Variants in DACH1 observed in about 807,000 individuals in gnomAD.
DACH1 encodes the protein dachshund family transcription factor 1, also known as dachshund homolog 1.
Under a neutral mutation model 54.2 loss-of-function variants are expected in DACH1, and 12 were observed. That is an observed-to-expected ratio of 0.22 (90% CI 0.14 to 0.36). The LOEUF is 0.36. Among genes scored for constraint, DACH1 ranks in the 10% least tolerant of loss-of-function variants. The probability of loss-of-function intolerance (pLI) is 1.00; values close to 1 mark genes in which losing one functional copy is unlikely to be tolerated. For missense variants in DACH1, 805 were observed against 929.8 expected, an observed-to-expected ratio of 0.87 and a Z score of 1.75; for synonymous variants, 386 against 366.2, an observed-to-expected ratio of 1.05 and a Z score of -0.62.
intron 1 of DACH1, among the ~76,000 whole-genome samples, chr13:71,800,666 C>T (rs1044428231): frequency 6.6e-6 from 1 of 152,044 alleles, no homozygotes; most frequent in East Asian, 1.9e-4. Context: ...TTCAAATCCT[C>T]ATTTAGCTGA....
intron 1 of DACH1, among the ~76,000 whole-genome samples, chr13:71,709,415 T>A (rs993861249): frequency 3.9e-5 from 6 of 152,088 alleles, no homozygotes; most frequent in Admixed American, 1.3e-4. Flanking sequence ...CTGAATACTG[T>A]GATAAAATCT....
chr13:71,486,026 T>G (rs1378554415), intron 7 of DACH1, among the ~76,000 whole-genome samples: 1 of 151,900 alleles, frequency 6.6e-6, no homozygotes, highest in Non-Finnish European at 1.5e-5. Flanking sequence ...TTTTCACATA[T>G]AATTATAGTA....
intron 7 of DACH1, among the ~76,000 whole-genome samples, chr13:71,483,348 T>C (rs1878213452): frequency 6.8e-6 from 1 of 147,406 alleles, no homozygotes; most frequent in Non-Finnish European, 1.5e-5. Flanking sequence ...TAATTAATAT[T>C]ATATATAATT....
intron 1 of DACH1, among the ~76,000 whole-genome samples, chr13:71,776,386 C>T (rs1886066776): frequency 6.6e-6 from 1 of 151,588 alleles, no homozygotes; most frequent in Admixed American, 6.6e-5. Flanking sequence ...CATGTAACAC[C>T]TATGTATAAT....
chr13:71,491,990 T>A lies in DACH1; in HGVS notation c.1571-2842A>T, dbSNP rs190496340. 3.7e-4 allele frequency among the ~76,000 whole-genome samples: 57 copies of A among 152,314 alleles called. 1 individual carries two copies. The East Asian group carries it at 0.011, about 28-fold the overall frequency. The stretch of plus-strand genomic sequence containing the variant: ...AAAATACCTTATTCTCATTGATATA[T>A]CTGTACATATTTCTAAGCTTATCTT... On this transcript the variant is annotated intron_variant, in intron 6 of 10. Coordinates refer to ENST00000613252, the MANE Select transcript of DACH1 (RefSeq NM_080759.6).
At chr13:71,846,648 T>C (rs1472604820) in intron 1 of DACH1, among the ~76,000 whole-genome samples, 1 of 152,152 alleles carries the variant, frequency 6.6e-6, no homozygotes, top group Non-Finnish European at 1.5e-5. Flanking sequence ...GGTAGATAGA[T>C]AGATAGTCTT....
At chr13:71,521,869 A>G (rs1881626023) in intron 6 of DACH1, among the ~76,000 whole-genome samples, 1 of 152,124 alleles carries the variant, frequency 6.6e-6, no homozygotes, top group Admixed American at 6.6e-5. Context: ...TACTAATAAT[A>G]ATGAAAACTA....
At position 71,630,638 on chromosome 13, in the gene DACH1, T is replaced by C. The variant is rs752110515; in HGVS notation, c.1044A>G (p.Lys348=). The change falls in exon 3 of 11, where the codon AAA becomes AAG. Residue 348 remains lysine, a synonymous_variant. Coordinates refer to ENST00000613252, the MANE Select transcript of DACH1 (RefSeq NM_080759.6). ...CATGATAGTTGCTCATGGCTTCTAA[T>C]TTGATTTTTTTCACCTTCATTGCTT... The part of the protein sequence containing the change: ...IAEAMKVKKI[K]LEAMSNYHAS... 91 of 1,612,320 alleles carry C rather than the reference T, an allele frequency of 5.6e-5. 1 individual carries two copies. The highest frequency in any genetic ancestry group is 7.5e-5 in the Non-Finnish European group (89 of 1,179,458).
chr13:71,772,055 T>C (rs961234119), intron 1 of DACH1, among the ~76,000 whole-genome samples: 2 of 151,650 alleles, frequency 1.3e-5, no homozygotes, highest in Non-Finnish European at 3.0e-5. Flanking sequence ...TTTTCTGAAC[T>C]GTACATGTAT....
intron 1 of DACH1, among the ~76,000 whole-genome samples, chr13:71,816,968 G>T (rs2138170085): frequency 6.6e-6 from 1 of 152,160 alleles, no homozygotes; most frequent in African/African-American, 2.4e-5. Context: ...TACTAGGCTT[G>T]ATGACTGGGT....
intron 1 of DACH1, among the ~76,000 whole-genome samples, chr13:71,846,580 A>C (rs919771169): frequency 3.3e-5 from 5 of 152,236 alleles, no homozygotes; most frequent in Non-Finnish European, 7.3e-5. Context: ...CAGTGAGCCG[A>C]GATGGCGCCA....
chr13:71,558,081 T>C (rs1208715123), intron 5 of DACH1, among the ~76,000 whole-genome samples: 1 of 152,046 alleles, frequency 6.6e-6, no homozygotes, highest in Admixed American at 6.6e-5. Context: ...CTGATTTTGA[T>C]CATTTTTCTC....
At chr13:71,536,586 A>G (rs753459516) in intron 6 of DACH1, among the ~76,000 whole-genome samples, 3 of 152,142 alleles carry the variant, frequency 2.0e-5, no homozygotes, top group Non-Finnish European at 2.9e-5. Context: ...TTCTACATTT[A>G]TGGAAATTAT....
intron 6 of DACH1, among the ~76,000 whole-genome samples, chr13:71,535,215 G>A (rs993715125): frequency 2.0e-5 from 3 of 151,620 alleles, no homozygotes; most frequent in Non-Finnish European, 4.4e-5. Context: ...TACTGATTAA[G>A]GTTTGGTATT....
chr13:71,474,179 A>C (rs757650689), intron 10 of DACH1, among the ~76,000 whole-genome samples: 59 of 152,190 alleles, frequency 3.9e-4, no homozygotes, highest in Non-Finnish European at 8.2e-4. Context: ...CTTTCCTCAA[A>C]AATGTTTCTT....
intron 1 of DACH1, among the ~76,000 whole-genome samples, chr13:71,747,566 G>A (rs1321503522): frequency 1.3e-5 from 2 of 152,118 alleles, no homozygotes; most frequent in East Asian, 3.8e-4. Context: ...GGGTGACAGA[G>A]TGAGACTCCA....
At chr13:71,784,067 TAGAG>T (rs943282068) in intron 1 of DACH1, among the ~76,000 whole-genome samples, 2 of 150,144 alleles carry the variant, frequency 1.3e-5, no homozygotes, top group Admixed American at 6.6e-5. Flanking sequence ...CTTTATGAAA[TAGAG>T]AGAGTACAGT....
At chr13:71,733,197 T>C (rs1162017037) in intron 1 of DACH1, among the ~76,000 whole-genome samples, 1 of 152,258 alleles carries the variant, frequency 6.6e-6, no homozygotes, top group Non-Finnish European at 1.5e-5. Flanking sequence ...AGTCTCATTC[T>C]GACACCAAGA....
rs2138723303 is a variant in DACH1, at chr13:71,691,165, T to C, written c.849-9255A>G. ...AATGGTCGACCATCATTCTGTTTCT[T>C]CAGGTTATTGTTAATTTGGTCCCAA... On this transcript the variant is annotated intron_variant, in intron 1 of 10. Coordinates refer to ENST00000613252, the MANE Select transcript of DACH1 (RefSeq NM_080759.6). Among the ~76,000 whole-genome samples the C allele has an allele frequency of 2.0e-5, 3 of 152,312 alleles. 1 individual carries two copies. In the South Asian group the frequency reaches 6.2e-4, roughly 32 times the overall value.
Sources: gnomAD v4.1 joint callset for allele counts (sites outside exome capture counted in the v4.1 genomes callset) on GRCh38, gnomAD v4.1.1 for gene constraint, MANE v1.5 for transcripts, NCBI Gene and HGNC (gene_info 2026-07-23, HGNC 2026-07-21) for gene names.